The following SAMD5 variants were observed in gnomAD, a reference collection of about 807,000 sequenced individuals.
SAMD5 encodes the protein sterile alpha motif domain containing 5, also known as sterile alpha motif domain-containing protein 5.
Under a neutral mutation model 11.3 loss-of-function variants are expected in SAMD5, and 13 were observed. That is an observed-to-expected ratio of 1.15 (90% CI 0.75 to 1.83). The LOEUF is 1.83. Among genes scored for constraint, SAMD5 ranks in the 40% most tolerant of loss-of-function variants. The probability of loss-of-function intolerance (pLI) is 0.00; values close to 1 mark genes in which losing one functional copy is unlikely to be tolerated. For synonymous variants in SAMD5, 129 were observed against 111.3 expected (o/e 1.16, Z -1.00); for missense variants, 255 against 239.1 (o/e 1.07, Z -0.44).
chr6:147,675,912 T>G (rs1790856272), intron 1 of SAMD5, among the ~76,000 whole-genome samples: 1 of 152,240 alleles, frequency 6.6e-6, no homozygotes, highest in Non-Finnish European at 1.5e-5. Flanking sequence ...TTGCATTTTA[T>G]TACCCACTTG....
intron 1 of SAMD5, among the ~76,000 whole-genome samples, chr6:147,512,687 G>A (rs560576034): frequency 6.6e-6 from 1 of 152,278 alleles, no homozygotes; most frequent in South Asian, 2.1e-4. Flanking sequence ...TCTGACTGCT[G>A]TGATTTCTAC....
chr6:147,643,791 AGGAAAG>A (rs1213708122), intron 1 of SAMD5, among the ~76,000 whole-genome samples: 7 of 136,902 alleles, frequency 5.1e-5, no homozygotes, highest in African/African-American at 1.6e-4. Context: ...GAAGGAAGGA[AGGAAAG>A]AGAGAGAGAG....
At chr6:147,897,910 A>C in the SAMD5 span, among the ~76,000 whole-genome samples, 5 of 139,202 alleles carry the variant, frequency 3.6e-5, no homozygotes, top group South Asian at 7.1e-4. Context: ...GGGCCACTGC[A>C]CTCCAGCCTG....
At chr6:147,649,705 C>T (rs533033414) in intron 1 of SAMD5, among the ~76,000 whole-genome samples, 15 of 151,802 alleles carry the variant, frequency 9.9e-5, no homozygotes, top group South Asian at 2.1e-4. Flanking sequence ...GCAAGAGAAT[C>T]GCCTGAACCC....
the SAMD5 span, among the ~76,000 whole-genome samples, chr6:147,838,106 C>CT: frequency 6.6e-6 from 1 of 152,088 alleles, no homozygotes; most frequent in East Asian, 1.9e-4. Flanking sequence ...ACTCAAGAGA[C>CT]TAAGAAAGAA....
At chr6:147,680,184 C>T (rs963560755) in intron 1 of SAMD5, among the ~76,000 whole-genome samples, 1 of 152,036 alleles carries the variant, frequency 6.6e-6, no homozygotes, top group Admixed American at 6.6e-5. Flanking sequence ...ACTGTCTCTC[C>T]ATTTATTTCA....
the SAMD5 span, among the ~76,000 whole-genome samples, chr6:147,908,422 G>A: frequency 6.6e-6 from 1 of 152,110 alleles, no homozygotes; most frequent in Non-Finnish European, 1.5e-5. Flanking sequence ...TTATGACAGT[G>A]GAAGTAAATG....
At chr6:147,642,205 TAAG>T (rs1157331264) in intron 1 of SAMD5, among the ~76,000 whole-genome samples, 11 of 152,364 alleles carry the variant, frequency 7.2e-5, no homozygotes, top group Middle Eastern at 6.8e-3. Flanking sequence ...TTCTCTGTTT[TAAG>T]AAGTCCATTT....
At chr6:147,517,873 G>GTTT (rs564247973) in intron 1 of SAMD5, among the ~76,000 whole-genome samples, 1 of 134,706 alleles carries the variant, frequency 7.4e-6, no homozygotes. Flanking sequence ...ATAATGAGGT[G>GTTT]TTTTTTTTTT....
At chr6:147,598,018 C>T (rs1284495210) in intron 1 of SAMD5, among the ~76,000 whole-genome samples, 1 of 152,154 alleles carries the variant, frequency 6.6e-6, no homozygotes, top group Non-Finnish European at 1.5e-5. Flanking sequence ...TCATGCAGGC[C>T]CTCCAGGCAT....
At chr6:147,705,605 G>T (rs1791314959) in intron 1 of SAMD5, among the ~76,000 whole-genome samples, 1 of 152,098 alleles carries the variant, frequency 6.6e-6, no homozygotes, top group Non-Finnish European at 1.5e-5. Flanking sequence ...CCAGCATTTT[G>T]CATTCCAAAT....
chr6:147,694,825 C>T (rs529798116), intron 1 of SAMD5, among the ~76,000 whole-genome samples: 7 of 152,200 alleles, frequency 4.6e-5, no homozygotes, highest in South Asian at 4.2e-4. Flanking sequence ...TAAAAAATCA[C>T]ATAGGATCAG....
rs1554233514 is a variant in SAMD5 at position 147,569,234 on chromosome 6, AAG to A, written c.*4780_*4781del. ...AGACTCTGTCTAAAAAAAAAAAAAAAAGAAAAGAAAAAAGAAAAATTGAAGAA... is the reference window on the plus strand; with the variant it reads ...AGACTCTGTCTAAAAAAAAAAAAAAAAAAAGAAAAAAGAAAAATTGAAGAA... On this transcript the variant is annotated 3_prime_UTR_variant, in exon 2 of 2. Transcript: ENST00000367474. 3,486 of 348,162 alleles carry A rather than the reference AAG, an allele frequency of 0.01. 23 individuals carry two copies. The highest frequency in any genetic ancestry group is 0.018 in the Admixed American group (279 of 15,366). 21.6% of individuals were successfully genotyped at this position (348,162 alleles called of 1,614,324 possible).
At chr6:147,590,984 A>G (rs1789443847) in intron 1 of SAMD5, among the ~76,000 whole-genome samples, 1 of 152,222 alleles carries the variant, frequency 6.6e-6, no homozygotes, top group Admixed American at 6.5e-5. Context: ...AATGAACCTT[A>G]TAACTTTATG....
At chr6:147,866,969 G>T in the SAMD5 span, among the ~76,000 whole-genome samples, 2 of 152,148 alleles carry the variant, frequency 1.3e-5, no homozygotes, top group African/African-American at 4.8e-5. Context: ...TCCAGTGTGA[G>T]AAAGTCTGTA....
intron 1 of SAMD5, among the ~76,000 whole-genome samples, chr6:147,691,249 C>T (rs1791099219): frequency 6.6e-6 from 1 of 152,118 alleles, no homozygotes; most frequent in Admixed American, 6.5e-5. Flanking sequence ...CTGCCTCGGC[C>T]TTCCAAAGTG....
chr6:147,516,742 A>G (rs1375220521), intron 1 of SAMD5, among the ~76,000 whole-genome samples: 2 of 152,224 alleles, frequency 1.3e-5, no homozygotes, highest in Non-Finnish European at 2.9e-5. Context: ...TACTTCAAGT[A>G]CCATTGGATC....
chr6:147,925,896 A>G, the SAMD5 span, among the ~76,000 whole-genome samples: 1 of 152,034 alleles, frequency 6.6e-6, no homozygotes, highest in African/African-American at 2.4e-5. Flanking sequence ...CACTAGAAAC[A>G]TCTCATCATT....
At chr6:147,906,399 T>C in the SAMD5 span, among the ~76,000 whole-genome samples, 1 of 152,230 alleles carries the variant, frequency 6.6e-6, no homozygotes, top group East Asian at 1.9e-4. Flanking sequence ...CTCAATGGCC[T>C]CTGTCATGCC....
Sources: allele counts gnomAD v4.1 joint callset (sites outside exome capture counted in the v4.1 genomes callset), GRCh38; gene constraint gnomAD v4.1.1; transcripts MANE v1.5; gene names NCBI Gene and HGNC (gene_info 2026-07-23, HGNC 2026-07-21).